Variants in PM20D2 observed in about 807,000 individuals in gnomAD.
The protein encoded by PM20D2 is xaa-Arg dipeptidase.
Under a neutral mutation model 42.9 loss-of-function variants are expected in PM20D2, and 33 were observed. That is an observed-to-expected ratio of 0.77 (90% CI 0.58 to 1.03). The LOEUF (loss-of-function observed/expected upper bound fraction) is 1.03, where lower values mean the gene tolerates loss of function less well. Among genes scored for constraint, PM20D2 ranks in the 50% least tolerant of loss-of-function variants. The pLI is 0.00. For synonymous variants in PM20D2, 250 were observed against 228.2 expected (o/e 1.10, Z -0.86); for missense variants, 548 against 557.0 (o/e 0.98, Z 0.16).
At chr6:89,110,028 T>C in the PM20D2 span, among the ~76,000 whole-genome samples, 13 of 152,106 alleles carry the variant, frequency 8.5e-5, no homozygotes, top group African/African-American at 1.2e-4. Flanking sequence ...GAGGCGGAGC[T>C]TGCAGTGAGC....
the PM20D2 span, among the ~76,000 whole-genome samples, chr6:89,121,675 A>G: frequency 6.6e-6 from 1 of 152,200 alleles, no homozygotes; most frequent in Non-Finnish European, 1.5e-5. Flanking sequence ...TTTTTCTTAA[A>G]TTGCCTGAGG....
At chr6:89,146,013 G>C (rs941085703), upstream of PM20D2, 1 of 749,068 alleles carries the variant, frequency 1.3e-6, no homozygotes, top group Non-Finnish European at 1.9e-6. Context: ...TGGGGGTGGT[G>C]CCCTGGGAGC....
chr6:89,109,258 T>C, the PM20D2 span, among the ~76,000 whole-genome samples: 40 of 152,204 alleles, frequency 2.6e-4, no homozygotes, highest in Non-Finnish European at 8.8e-5. Context: ...GTTTAATTTT[T>C]TCAGGACTTC....
the PM20D2 span, among the ~76,000 whole-genome samples, chr6:89,137,258 T>C: frequency 6.6e-6 from 1 of 152,178 alleles, no homozygotes; most frequent in Non-Finnish European, 1.5e-5. Context: ...ATGCAATGGC[T>C]CACACCTGGA....
the PM20D2 span, among the ~76,000 whole-genome samples, chr6:89,114,322 G>A: frequency 8.5e-5 from 13 of 152,252 alleles, 2 homozygotes; most frequent in Admixed American, 3.9e-4. Flanking sequence ...CAGCTACTCG[G>A]GAGGCTGAGG....
chr6:89,098,973 A>G, the PM20D2 span: 1 of 1,577,354 alleles, frequency 6.3e-7, no homozygotes. Context: ...ATGTTAGAGC[A>G]TATATTTCAC....
At chr6:89,142,546 TATC>T (rs1396350099), upstream of PM20D2, among the ~76,000 whole-genome samples, 27 of 152,364 alleles carry the variant, frequency 1.8e-4, no homozygotes, top group African/African-American at 5.5e-4. Context: ...CTTTTGGAAA[TATC>T]ATATATTTTG....
chr6:89,149,193 G>T, intron 1 of PM20D2, 72 bp from the exon 2 acceptor site: 1 of 1,521,108 alleles, frequency 6.6e-7, no homozygotes, highest in East Asian at 2.3e-5. Context: ...GAATACATAT[G>T]CAGGTGAACC....
chr6:89,154,177 G>C (rs1770952341), intron 3 of PM20D2, among the ~76,000 whole-genome samples: 1 of 152,022 alleles, frequency 6.6e-6, no homozygotes, highest in Non-Finnish European at 1.5e-5. Context: ...TGGATTTTTT[G>C]TATCTATTTT....
intron 5 of PM20D2, among the ~76,000 whole-genome samples, chr6:89,161,422 C>G (rs1267654555): frequency 6.6e-6 from 1 of 152,082 alleles, no homozygotes; most frequent in Non-Finnish European, 1.5e-5. Flanking sequence ...GGGCTCTATC[C>G]CCAAGAGAGA....
At chr6:89,147,390 C>G (rs534372559) in intron 1 of PM20D2, among the ~76,000 whole-genome samples, 4 of 152,134 alleles carry the variant, frequency 2.6e-5, no homozygotes, top group Non-Finnish European at 5.9e-5. Context: ...CTCTTTAGTT[C>G]ATTTCCCCCA....
At chr6:89,099,779 C>T in the PM20D2 span, among the ~76,000 whole-genome samples, 1 of 152,056 alleles carries the variant, frequency 6.6e-6, no homozygotes, top group Admixed American at 6.6e-5. Context: ...AGGTTATCCC[C>T]CTGCCTCGGC....
At chr6:89,162,037 C>G in intron 6 of PM20D2, 72 bp from the exon 7 acceptor site, 2 of 1,549,470 alleles carry the variant, frequency 1.3e-6, no homozygotes. Context: ...AGTTGAGATA[C>G]GGGTAGCTAA....
rs746948961 is a variant in PM20D2 at position 89,158,354 on chromosome 6, T to C, written c.942T>C (p.Tyr314=). 1 of 1,600,810 alleles carries C rather than the reference T, an allele frequency of 6.2e-7. No homozygotes were observed. The highest frequency in any genetic ancestry group is 8.5e-7 in the Non-Finnish European group (1 of 1,176,902). The change falls in exon 5 of 7, where the codon TAT becomes TAC. Residue 314 remains tyrosine, a synonymous_variant. Coordinates refer to ENST00000275072, the MANE Select transcript of PM20D2 (RefSeq NM_001010853.3). ...TVEIKGGAHD[Y]YNVLPNKSLW... Reference sequence around the variant, plus strand: ...AAATTAAAGGTGGAGCACATGATTATTACAATGTTCTTCCCAATAAGAGCC... The same window carrying C: ...AAATTAAAGGTGGAGCACATGATTACTACAATGTTCTTCCCAATAAGAGCC...
chr6:89,146,527 T>G lies in PM20D2; in HGVS notation c.383T>G (p.Leu128Arg), dbSNP rs1257943082. The change falls in exon 1 of 7, where the codon CTC (leucine) becomes CGC (arginine). Residue 128 changes from leucine to arginine, a missense_variant. Physicochemically the swap from Leu to Arg is moderately radical, Grantham distance 102. Transcript: ENST00000275072. ...ATCGGCCACGCCTGCGGCCACAACC[T>G]CATCGCTGAGGTCGGGGCGGCGGCC... ...PGIGHACGHN[L>R]IAEVGAAAAL... The G allele has an allele frequency of 4.6e-6, 7 of 1,510,964 alleles. No individual in the cohort carries two copies. The highest frequency in any genetic ancestry group is 3.5e-6 in the Non-Finnish European group (4 of 1,137,096). The allele number at this position is 1,510,964 out of a possible 1,614,324, so 93.6% of individuals were successfully genotyped here.
the PM20D2 span, among the ~76,000 whole-genome samples, chr6:89,136,482 CCTGG>C: frequency 6.6e-6 from 1 of 150,650 alleles, no homozygotes; most frequent in Non-Finnish European, 1.5e-5. Flanking sequence ...TCGAGACCAT[CCTGG>C]CTAACACGGT....
intron 1 of PM20D2, chr6:89,148,410 A>G (rs1248756829): frequency 2.6e-6 from 1 of 387,882 alleles, no homozygotes; most frequent in East Asian, 1.6e-4. Context: ...GTTCTTATAC[A>G]TGATCTTGAA....
At chr6:89,121,831 A>T in the PM20D2 span, among the ~76,000 whole-genome samples, 5 of 152,190 alleles carry the variant, frequency 3.3e-5, no homozygotes, top group Admixed American at 6.5e-5. Context: ...AATTATGATC[A>T]ATTAAATGCT....
the PM20D2 span, among the ~76,000 whole-genome samples, chr6:89,099,218 A>G: frequency 0.071 from 10,770 of 151,830 alleles, 1,124 homozygotes; most frequent in African/African-American, 0.23. Context: ...ATTTGGTCTG[A>G]GTTATACAGC....
Sources: allele counts gnomAD v4.1 joint callset (sites outside exome capture counted in the v4.1 genomes callset), GRCh38; gene constraint gnomAD v4.1.1; transcripts MANE v1.5; gene names NCBI Gene and HGNC (gene_info 2026-07-23, HGNC 2026-07-21).